The following BNC2 variants were observed in gnomAD, a reference collection of about 807,000 sequenced individuals.
BNC2 encodes the protein zinc finger protein basonuclin-2.
BNC2 carries 20 observed loss-of-function variants against 76.3 expected under a neutral mutation model. The ratio of observed to expected loss-of-function variants is 0.26; its 90% confidence interval spans 0.18 to 0.38. The LOEUF (loss-of-function observed/expected upper bound fraction) is 0.38, where lower values mean the gene tolerates loss of function less well. BNC2 is among the 10% of genes least tolerant of loss of function. The pLI, the probability that BNC2 is intolerant of heterozygous loss-of-function variation, is 1.00. For missense variants in BNC2, 1,382 were observed against 1,399.8 expected, an observed-to-expected ratio of 0.99 and a Z score of 0.20; for synonymous variants, 582 against 514.8, an observed-to-expected ratio of 1.13 and a Z score of -1.77.
chr9:16,861,423 C>T (rs1347367121), intron 1 of BNC2, among the ~76,000 whole-genome samples: 1 of 151,934 alleles, frequency 6.6e-6, no homozygotes, highest in Middle Eastern at 3.2e-3. Context: ...AAACCTTGTA[C>T]CTAGCAGAGG....
chr9:16,812,756 C>T (rs928705108), intron 1 of BNC2, among the ~76,000 whole-genome samples: 1 of 152,024 alleles, frequency 6.6e-6, no homozygotes, highest in Non-Finnish European at 1.5e-5. Context: ...ATTCAAAATA[C>T]GTTTAGCTAT....
At chr9:16,837,206 T>C in intron 1 of BNC2, among the ~76,000 whole-genome samples, 1 of 152,134 alleles carries the variant, frequency 6.6e-6, no homozygotes, top group East Asian at 1.9e-4. Context: ...AAACATAATC[T>C]TAGAAAACCA....
chr9:16,793,726 C>T (rs1465006484), intron 1 of BNC2, among the ~76,000 whole-genome samples: 1 of 137,664 alleles, frequency 7.3e-6, no homozygotes, highest in Non-Finnish European at 1.5e-5. Context: ...AGTGCAGTGG[C>T]GTGATCTGGG....
In BNC2 at chr9:16,698,273, A is replaced by C. The variant is rs567282252; in HGVS notation, c.330+29524T>G. Among the ~76,000 whole-genome samples the C allele has an allele frequency of 2.8e-4, 43 of 152,254 alleles. No homozygotes were observed. The South Asian group carries it at 8.9e-3, about 32-fold the overall frequency. On this transcript the variant is annotated intron_variant, in intron 3 of 6. Coordinates refer to ENST00000380672, the MANE Select transcript of BNC2 (RefSeq NM_017637.6). The stretch of plus-strand genomic sequence containing the variant: ...CATCTGTCTTCACCTTTAGGAAATA[A>C]GCATACAAGGGCAAGCAAGGATGTT...
chr9:16,731,814 G>A (rs1824512436), intron 2 of BNC2, among the ~76,000 whole-genome samples: 1 of 152,108 alleles, frequency 6.6e-6, no homozygotes, highest in South Asian at 2.1e-4. Context: ...AAAAAAGTCA[G>A]ACATATATAT....
At chr9:16,787,710 A>G (rs924921096) in intron 1 of BNC2, among the ~76,000 whole-genome samples, 1 of 152,162 alleles carries the variant, frequency 6.6e-6, no homozygotes, top group African/African-American at 2.4e-5. Flanking sequence ...CAAAAGGTAG[A>G]TAATATTTTC....
chr9:16,540,448 T>G (rs10756759), intron 5 of BNC2, among the ~76,000 whole-genome samples: 2 of 152,174 alleles, frequency 1.3e-5, no homozygotes, highest in Admixed American at 1.3e-4. Context: ...AATACGCATA[T>G]TACAATGGTT....
At chr9:16,803,697 T>C (rs1335461981) in intron 1 of BNC2, among the ~76,000 whole-genome samples, 2 of 152,244 alleles carry the variant, frequency 1.3e-5, no homozygotes, top group African/African-American at 4.8e-5. Flanking sequence ...CAAATTATCA[T>C]CTATTTACAG....
At chr9:16,794,512 G>A (rs1351384131) in intron 1 of BNC2, among the ~76,000 whole-genome samples, 2 of 152,126 alleles carry the variant, frequency 1.3e-5, no homozygotes, top group African/African-American at 2.4e-5. Context: ...TAAAAGATCC[G>A]TATGACAACT....
At chr9:16,708,602 G>A (rs1587339072) in intron 3 of BNC2, among the ~76,000 whole-genome samples, 1 of 152,086 alleles carries the variant, frequency 6.6e-6, no homozygotes, top group African/African-American at 2.4e-5. Context: ...AGATGGTGTG[G>A]GAGGAAAACC....
chr9:16,718,249 T>G (rs1021525321), intron 3 of BNC2, among the ~76,000 whole-genome samples: 13 of 152,240 alleles, frequency 8.5e-5, no homozygotes, highest in African/African-American at 2.9e-4. Flanking sequence ...CTCACCTGTA[T>G]GAGGCCAGCT....
intron 6 of BNC2, chr9:16,431,464 C>T (rs751896143): frequency 6.4e-6 from 3 of 470,342 alleles, no homozygotes; most frequent in South Asian, 1.6e-5. Context: ...CAGCAGGTTC[C>T]AGGCCGGTTA....
chr9:16,608,181 C>T (rs180790988), intron 3 of BNC2, among the ~76,000 whole-genome samples: 1 of 152,138 alleles, frequency 6.6e-6, no homozygotes, highest in Non-Finnish European at 1.5e-5. Context: ...GTACTTCCTA[C>T]TTCCTATTTT....
intron 3 of BNC2, among the ~76,000 whole-genome samples, chr9:16,658,305 G>C (rs1821991498): frequency 6.6e-6 from 1 of 152,062 alleles, no homozygotes; most frequent in African/African-American, 2.4e-5. Context: ...GGAGAATTTG[G>C]AGTCAGGGGG....
intron 3 of BNC2, among the ~76,000 whole-genome samples, chr9:16,659,791 GGCTCCTCTCTA>G (rs1270186126): frequency 6.6e-6 from 1 of 152,020 alleles, no homozygotes; most frequent in African/African-American, 2.4e-5. Flanking sequence ...TAAAATAACA[GGCTCCTCTCTA>G]GCCTCACTTC....
At chr9:16,515,355 C>T (rs1440271279) in intron 5 of BNC2, among the ~76,000 whole-genome samples, 1 of 152,188 alleles carries the variant, frequency 6.6e-6, no homozygotes. Flanking sequence ...ATCCCCTTGG[C>T]TAATGAAAGC....
chr9:16,659,437 A>G (rs535042864), intron 3 of BNC2, among the ~76,000 whole-genome samples: 25 of 152,024 alleles, frequency 1.6e-4, no homozygotes, highest in South Asian at 1.0e-3. Flanking sequence ...GTGAAACCCC[A>G]TCTCTACTAA....
At chr9:16,558,762 C>G (rs1818917883) in intron 4 of BNC2, among the ~76,000 whole-genome samples, 1 of 151,904 alleles carries the variant, frequency 6.6e-6, no homozygotes, top group African/African-American at 2.4e-5. Flanking sequence ...AACCACGTCT[C>G]TACTAAAAAT....
intron 1 of BNC2, among the ~76,000 whole-genome samples, chr9:16,803,907 C>CA (rs1817843548): frequency 6.6e-6 from 1 of 152,192 alleles, no homozygotes; most frequent in African/African-American, 2.4e-5. Flanking sequence ...TCTCAATCGT[C>CA]AAGGGAAGAC....
Sources: gnomAD v4.1 joint callset for allele counts (sites outside exome capture counted in the v4.1 genomes callset) on GRCh38, gnomAD v4.1.1 for gene constraint, MANE v1.5 for transcripts, NCBI Gene and HGNC (gene_info 2026-07-23, HGNC 2026-07-21) for gene names.